The following INPP4B variants were observed in gnomAD, a reference collection of about 807,000 sequenced individuals.
The protein encoded by INPP4B is inositol polyphosphate-4-phosphatase type II B.
In INPP4B, 55 loss-of-function variants were observed where a neutral mutation model predicts 122.5. The ratio of observed to expected loss-of-function variants is 0.45; its 90% CI spans 0.36 to 0.56. The LOEUF (loss-of-function observed/expected upper bound fraction) is 0.56, where lower values mean the gene tolerates loss of function less well. INPP4B is among the 20% of genes least tolerant of loss of function. INPP4B has a pLI of 0.00. For missense variants in INPP4B, 1,000 were observed against 1,097.7 expected (o/e 0.91, Z 1.26); for synonymous variants, 403 against 388.7 (o/e 1.04, Z -0.43).
At chr4:142,176,867 A>G (rs1828560421) in intron 15 of INPP4B, among the ~76,000 whole-genome samples, 1 of 152,168 alleles carries the variant, frequency 6.6e-6, no homozygotes, top group Non-Finnish European at 1.5e-5. Flanking sequence ...ACTCTCATAA[A>G]AGTTCCTTCT....
chr4:142,288,707 T>A (rs1282446772), intron 9 of INPP4B, among the ~76,000 whole-genome samples: 1 of 152,160 alleles, frequency 6.6e-6, no homozygotes, highest in Non-Finnish European at 1.5e-5. Context: ...TCCTTTCTAT[T>A]TTTTTTCTTT....
intron 2 of INPP4B, among the ~76,000 whole-genome samples, chr4:142,511,401 C>T (rs1302671404): frequency 6.6e-6 from 1 of 152,136 alleles, no homozygotes; most frequent in Non-Finnish European, 1.5e-5. Flanking sequence ...ATCTGCTTGT[C>T]ATTCTATCTA....
chr4:142,839,330 C>A (rs1054442259), intron 1 of INPP4B, among the ~76,000 whole-genome samples: 2 of 151,896 alleles, frequency 1.3e-5, no homozygotes, highest in Non-Finnish European at 2.9e-5. Flanking sequence ...TGGTAGTGTG[C>A]GCCTGTAATC....
rs546843984 is a variant in INPP4B at position 142,193,195 on chromosome 4, T to C, written c.1073A>G (p.Asp358Gly). ...RMQVHSPHLK[D>G]ALYDVITVGA... is the part of the protein sequence containing the mutation. ...CACAGTGATGACATCGTAGAGAGCA[T>C]CTGGAGTAGAAACAGACAAGGAGAT... Residue 358 changes from aspartate to glycine, a missense_variant and splice_region_variant, in exon 15 of 26, where the codon GAT becomes GGT. Transcript: ENST00000262992. 3 of 1,590,298 alleles carry C rather than the reference T, an allele frequency of 1.9e-6. No homozygotes were observed. The highest frequency in any genetic ancestry group is 3.3e-5 in the Admixed American group (2 of 59,890).
chr4:142,569,543 C>A (rs984404393), intron 2 of INPP4B, among the ~76,000 whole-genome samples: 1 of 152,100 alleles, frequency 6.6e-6, no homozygotes, highest in African/African-American at 2.4e-5. Flanking sequence ...AGAGATAGGA[C>A]TGAAACTCAG....
chr4:142,321,234 T>C lies in INPP4B; in HGVS notation c.373-6472A>G, dbSNP rs182170406. ...CTGATAATTAGTGATGTTGAGCACT[T>C]TTTCATAGGCTTGTTGGCCATTTAT... On this transcript the variant is annotated intron_variant, in intron 7 of 25. Coordinates refer to ENST00000262992, the MANE Select transcript of INPP4B (RefSeq NM_001101669.3). Among the ~76,000 whole-genome samples, 559 of 152,340 alleles carry C rather than the reference T, an allele frequency of 3.7e-3. 1 individual carries two copies. The highest frequency in any genetic ancestry group is 0.013 in the African/African-American group (531 of 41,576).
chr4:142,062,597 A>G (rs1407120778), intron 25 of INPP4B, among the ~76,000 whole-genome samples: 12 of 151,894 alleles, frequency 7.9e-5, no homozygotes, highest in Non-Finnish European at 1.6e-4. Flanking sequence ...TTAGCTGGGC[A>G]TGGCGGTGCG....
chr4:142,124,769 A>AG lies in INPP4B; in HGVS notation c.1721-10dup. On this transcript the variant is annotated splice_polypyrimidine_tract_variant and intron_variant, in intron 18 of 25. Transcript: ENST00000262992. The stretch of plus-strand genomic sequence containing the variant: ...CTGTTCATACCAGTCCTCTGGGGGA[A>AG]GGGGGTGTAAGAACAGTGCAATAGA... The AG allele has an allele frequency of 6.6e-7, 1 of 1,522,258 alleles. No homozygotes were observed. The highest frequency in any genetic ancestry group is 1.3e-5 in the South Asian group (1 of 78,010). 94.3% of individuals were successfully genotyped at this position (1,522,258 alleles called of 1,614,324 possible).
At chr4:142,268,027 C>A (rs1743670887) in intron 10 of INPP4B, among the ~76,000 whole-genome samples, 1 of 151,682 alleles carries the variant, frequency 6.6e-6, no homozygotes, top group Non-Finnish European at 1.5e-5. Context: ...TGACTATTAT[C>A]AAAATGATGA....
At chr4:142,281,636 C>A (rs960475932) in intron 9 of INPP4B, among the ~76,000 whole-genome samples, 2 of 151,864 alleles carry the variant, frequency 1.3e-5, no homozygotes, top group Admixed American at 6.6e-5. Context: ...AAAAGGTCAA[C>A]GTTATACAGT....
intron 9 of INPP4B, among the ~76,000 whole-genome samples, chr4:142,272,365 C>T (rs1467331950): frequency 6.6e-6 from 1 of 151,532 alleles, no homozygotes; most frequent in Non-Finnish European, 1.5e-5. Flanking sequence ...GAGAAAATTT[C>T]TGATAGCATG....
intron 9 of INPP4B, among the ~76,000 whole-genome samples, chr4:142,291,242 G>A: frequency 6.6e-6 from 1 of 152,100 alleles, no homozygotes. Context: ...ACAAGATGGA[G>A]GAAATCATCA....
rs77175132 is a variant in INPP4B at position 142,699,312 on chromosome 4, T to A, written c.-191+26527A>T. 6.4e-3 allele frequency among the ~76,000 whole-genome samples: 970 copies of A among 152,276 alleles called. 12 individuals are homozygous for A. Among genetic ancestry groups the A allele is most frequent in the African/African-American group, 0.022 (934 of 41,552 alleles). On this transcript the variant is annotated intron_variant, in intron 2 of 25. Coordinates refer to ENST00000262992, the MANE Select transcript of INPP4B (RefSeq NM_001101669.3). ...AACCACCTTTTCAATATACCTTCCCTCCTCATGTCCTCATTTCCATTCTTA... is the reference window on the plus strand; with the variant it reads ...AACCACCTTTTCAATATACCTTCCCACCTCATGTCCTCATTTCCATTCTTA...
intron 9 of INPP4B, among the ~76,000 whole-genome samples, chr4:142,297,878 C>T (rs919336454): frequency 2.0e-5 from 3 of 152,122 alleles, no homozygotes; most frequent in African/African-American, 4.8e-5. Context: ...TAAAGGGAAA[C>T]GATATTTATA....
intron 9 of INPP4B, among the ~76,000 whole-genome samples, chr4:142,271,310 A>G (rs545107660): frequency 6.6e-6 from 1 of 152,314 alleles, no homozygotes; most frequent in Admixed American, 6.5e-5. Flanking sequence ...AAAGTACCTT[A>G]GGAAGATGAA....
intron 18 of INPP4B, among the ~76,000 whole-genome samples, chr4:142,127,991 C>A (rs1277549308): frequency 6.6e-6 from 1 of 152,056 alleles, no homozygotes; most frequent in Non-Finnish European, 1.5e-5. Flanking sequence ...CATCCCAAAT[C>A]ATTCTCACAA....
At chr4:142,841,788 A>C (rs746663308) in intron 1 of INPP4B, among the ~76,000 whole-genome samples, 52 of 152,088 alleles carry the variant, frequency 3.4e-4, no homozygotes, top group Non-Finnish European at 5.9e-4. Context: ...AAGATGCTTT[A>C]CATTGATGCT....
At chr4:142,778,662 T>C (rs1171941949) in intron 1 of INPP4B, among the ~76,000 whole-genome samples, 1 of 152,110 alleles carries the variant, frequency 6.6e-6, no homozygotes, top group African/African-American at 2.4e-5. Context: ...TGGAAGGAGA[T>C]ATTAAGAACT....
At chr4:142,184,788 C>A (rs1383940863) in intron 15 of INPP4B, among the ~76,000 whole-genome samples, 2 of 152,108 alleles carry the variant, frequency 1.3e-5, no homozygotes, top group Non-Finnish European at 2.9e-5. Flanking sequence ...TGAGAAAGTT[C>A]TCTTCTGGTT....
Sources: allele counts gnomAD v4.1 joint callset (sites outside exome capture counted in the v4.1 genomes callset), GRCh38; gene constraint gnomAD v4.1.1; transcripts MANE v1.5; gene names NCBI Gene and HGNC (gene_info 2026-07-23, HGNC 2026-07-21).